The following BACH2 variants were observed in gnomAD, a reference collection of about 807,000 sequenced individuals.
BACH2 encodes the protein transcription regulator protein BACH2.
BACH2 carries 5 observed loss-of-function variants against 61.8 expected under a neutral mutation model. The observed-to-expected ratio is 0.08, with a 90% CI of 0.04 to 0.17. The LOEUF is 0.17. Ranked by LOEUF, BACH2 falls within the 10% of genes least tolerant of loss-of-function variation. The pLI is 1.00. For synonymous variants in BACH2, 446 were observed against 440.1 expected (o/e 1.01, Z -0.17); for missense variants, 824 against 1,091.1 (o/e 0.76, Z 3.45).
chr6:90,080,436 C>T (rs1034189041), intron 5 of BACH2, among the ~76,000 whole-genome samples: 1 of 152,090 alleles, frequency 6.6e-6, no homozygotes, highest in Admixed American at 6.6e-5. Context: ...ATGGTTATCA[C>T]TGTGGATTGA....
At chr6:90,074,472 T>C (rs140302697) in intron 5 of BACH2, among the ~76,000 whole-genome samples, 190 of 152,240 alleles carry the variant, frequency 1.2e-3, no homozygotes, top group Non-Finnish European at 2.1e-3. Flanking sequence ...ATAATGATAA[T>C]GTAAGTGAAG....
At chr6:90,148,631 C>T (rs1784702646) in intron 4 of BACH2, among the ~76,000 whole-genome samples, 1 of 151,972 alleles carries the variant, frequency 6.6e-6, no homozygotes. Context: ...GAAGAGATTA[C>T]AACATTTAAA....
intron 5 of BACH2, among the ~76,000 whole-genome samples, chr6:90,067,407 C>G (rs1349926566): frequency 6.6e-6 from 1 of 152,224 alleles, no homozygotes; most frequent in Admixed American, 6.5e-5. Context: ...TAGTGAGGTG[C>G]TGCTGAAGGA....
In BACH2 at chr6:89,993,117, C is replaced by T. The variant is rs146578960; in HGVS notation, c.243+15485G>A. Among the ~76,000 whole-genome samples, 851 of 152,256 alleles carry T rather than the reference C, an allele frequency of 5.6e-3. 8 individuals are homozygous for T. The highest frequency in any genetic ancestry group is 0.019 in the African/African-American group (791 of 41,548). ...CTAACAGAAACCAACCCTGGTGGCA[C>T]CTTGATCTTGGACTTCTGGCCTCTA... On this transcript the variant is annotated intron_variant, in intron 6 of 8. Transcript: ENST00000257749.
chr6:90,153,632 A>G (rs1296483055), intron 4 of BACH2, among the ~76,000 whole-genome samples: 2 of 152,220 alleles, frequency 1.3e-5, no homozygotes, highest in African/African-American at 4.8e-5. Context: ...TATAGGATTT[A>G]CCTTCAAAAT....
At chr6:90,225,689 T>G (rs572308005) in intron 3 of BACH2, among the ~76,000 whole-genome samples, 1 of 152,190 alleles carries the variant, frequency 6.6e-6, no homozygotes, top group African/African-American at 2.4e-5. Flanking sequence ...GATAGGTTGA[T>G]AGGTGCAGCA....
intron 3 of BACH2, among the ~76,000 whole-genome samples, chr6:90,246,952 T>C (rs994540671): frequency 2.0e-5 from 3 of 152,158 alleles, no homozygotes; most frequent in Admixed American, 2.0e-4. Context: ...TCTTAAAATA[T>C]GCATGAAAAA....
Position 90,008,979 on chromosome 6 carries a change from C to T in BACH2, c.-12-123G>A. 1 of 1,194,148 alleles carries T rather than the reference C, an allele frequency of 8.4e-7. No homozygotes were observed. The highest frequency in any genetic ancestry group is 1.1e-6 in the Non-Finnish European group (1 of 869,900). 74.0% of individuals were successfully genotyped at this position (1,194,148 alleles called of 1,614,324 possible). On this transcript the variant is annotated intron_variant, in intron 5 of 8. Transcript: ENST00000257749. This position sits in a 1 kb window ranked among gnomAD's most constrained non-coding sequence, Gnocchi z 4.1. ...CTGTGTCCCACTGCCATGAGCATGG[C>T]AGGAAGGAGGGGAATTACCAATCAG... is the stretch of plus-strand genomic sequence containing the variant.
At chr6:90,029,506 T>C (rs899178383) in intron 5 of BACH2, among the ~76,000 whole-genome samples, 16 of 152,156 alleles carry the variant, frequency 1.1e-4, no homozygotes, top group Admixed American at 9.8e-4. Context: ...CCTCCCTGTT[T>C]ATGTTTCTTT....
intron 2 of BACH2, among the ~76,000 whole-genome samples, chr6:90,254,742 G>C (rs1475354656): frequency 6.6e-6 from 1 of 152,056 alleles, no homozygotes; most frequent in Non-Finnish European, 1.5e-5. Flanking sequence ...GAGATTTGTA[G>C]AAAAGTAACA....
At chr6:90,105,654 T>C (rs963670469) in intron 4 of BACH2, among the ~76,000 whole-genome samples, 1 of 152,224 alleles carries the variant, frequency 6.6e-6, no homozygotes, top group African/African-American at 2.4e-5. Flanking sequence ...TTACACCCAC[T>C]TTCAGGAGTT....
At chr6:90,029,985 G>C (rs556684016) in intron 5 of BACH2, among the ~76,000 whole-genome samples, 3 of 152,224 alleles carry the variant, frequency 2.0e-5, no homozygotes, top group African/African-American at 7.2e-5. Flanking sequence ...GAGATGCTGA[G>C]TAGAAGGTCT....
chr6:90,173,194 G>C (rs1158400322), intron 4 of BACH2, among the ~76,000 whole-genome samples: 1 of 151,270 alleles, frequency 6.6e-6, no homozygotes, highest in African/African-American at 2.4e-5. Flanking sequence ...AGGACAAATA[G>C]CAAAAAATAA....
intron 4 of BACH2, among the ~76,000 whole-genome samples, chr6:90,120,513 T>C (rs1783577836): frequency 6.6e-6 from 1 of 152,202 alleles, no homozygotes; most frequent in Non-Finnish European, 1.5e-5. Flanking sequence ...GGAAGCCAAA[T>C]ATTTGCATAA....
chr6:90,190,832 A>G (rs1768544047), intron 4 of BACH2, among the ~76,000 whole-genome samples: 1 of 152,262 alleles, frequency 6.6e-6, no homozygotes, highest in Non-Finnish European at 1.5e-5. Context: ...AACGACTCTG[A>G]TCTAATTCCA....
At chr6:89,972,488 C>T (rs191928123) in intron 6 of BACH2, among the ~76,000 whole-genome samples, 4 of 152,188 alleles carry the variant, frequency 2.6e-5, no homozygotes, top group Admixed American at 1.3e-4. Context: ...ACCTGGATAC[C>T]CCATTGACGA....
intron 3 of BACH2, among the ~76,000 whole-genome samples, chr6:90,244,429 A>C (rs76784193): frequency 8.5e-5 from 13 of 152,304 alleles, no homozygotes; most frequent in African/African-American, 2.9e-4. Flanking sequence ...CAGTGAAGTC[A>C]AGCAGAAACT....
At position 90,205,027 on chromosome 6, in the gene BACH2, C is replaced by T. The variant is rs533019082; in HGVS notation, c.-162+1542G>A. Among the ~76,000 whole-genome samples, 67 of 152,248 alleles carry T rather than the reference C, an allele frequency of 4.4e-4. No homozygotes were observed. In the South Asian group the frequency reaches 6.8e-3, roughly 16 times the overall value. ...CGGCCAGAGTCTCCCATAAAACTTG[C>T]ATCTAGGGAAAGAGGGTAAGTGCAC... is the stretch of plus-strand genomic sequence containing the variant. On this transcript the variant is annotated intron_variant, in intron 4 of 8. Transcript: ENST00000257749.
At chr6:90,066,999 T>C (rs758102162) in intron 5 of BACH2, among the ~76,000 whole-genome samples, 20 of 152,204 alleles carry the variant, frequency 1.3e-4, no homozygotes, top group Non-Finnish European at 2.6e-4. Flanking sequence ...GCACAGTCCC[T>C]GAATAGAGCA....
Sources: gnomAD v4.1 joint callset for allele counts (sites outside exome capture counted in the v4.1 genomes callset) on GRCh38, gnomAD v4.1.1 for gene constraint, Gnocchi (gnomAD v3.1) non-coding constraint, MANE v1.5 for transcripts, NCBI Gene and HGNC (gene_info 2026-07-23, HGNC 2026-07-21) for gene names.